The following DNLZ variants were observed in gnomAD, a reference collection of about 807,000 sequenced individuals.
The protein encoded by DNLZ is DNL-type zinc finger.
In DNLZ, 15 loss-of-function variants were observed where a neutral mutation model predicts 7.8. The observed-to-expected ratio is 1.91, with a 90% CI of 1.28 to 2.95. The LOEUF (loss-of-function observed/expected upper bound fraction) is 2.95, where lower values mean the gene tolerates loss of function less well. DNLZ is among the 30% of genes most tolerant of loss of function. DNLZ has a pLI of 0.00. For synonymous variants in DNLZ, 123 were observed against 77.8 expected, an observed-to-expected ratio of 1.58 and a Z score of -3.05; for missense variants, 255 against 167.3, an observed-to-expected ratio of 1.52 and a Z score of -2.89.
In DNLZ at chr9:136,363,106, T is replaced by C. The variant is rs1833013243; in HGVS notation, c.251A>G (p.Lys84Arg). The C allele has an allele frequency of 1.2e-6, 2 of 1,613,358 alleles. No homozygotes were observed. The highest frequency in any genetic ancestry group is 1.1e-5 in the South Asian group (1 of 91,096). ...GTGATAGGCCAGCTTGGAGATGCGC[T>C]TGGAGGACCTAGTCCCGCAGACCTG... ...TCKVCGTRSS[K>R]RISKLAYHQG... is the part of the protein sequence containing the mutation. Residue 84 changes from lysine (K) to arginine (R), a missense_variant, in exon 2 of 3, where the codon AAG becomes AGG. Lys to Arg is a conservative substitution (Grantham distance 26). Transcript: ENST00000371738.
chr9:136,363,596 C>A lies in DNLZ; in HGVS notation c.119G>T (p.Arg40Leu), dbSNP rs776740891. 3.4e-6 allele frequency: 2 copies of A among 583,926 alleles called. No individual in the cohort carries two copies. The highest frequency in any genetic ancestry group is 8.6e-4 in the Middle Eastern group (2 of 2,334). The allele number at this position is 583,926 out of a possible 1,614,324, so 36.2% of individuals were successfully genotyped here. A position where few individuals can be genotyped will look rare whatever the true frequency, so the allele number is the denominator to read the frequency against. ...GCGCCGCCAGCCCCAGGCCCAGGCC[C>A]GCCGCCTCCCCGCGACCTCTGGACG... ...GARPEVAGRR[R>L]AWAWGWRRSS... The change falls in exon 1 of 3, where the codon CGG (arginine) becomes CTG (leucine). Residue 40 changes from arginine (R) to leucine (L), a missense_variant. Arg to Leu is a moderately radical substitution (Grantham distance 102, BLOSUM62 -2). Transcript: ENST00000371738.
chr9:136,362,872 G>A, intron 2 of DNLZ, 117 bp downstream of exon 2: 2 of 886,398 alleles, frequency 2.3e-6, no homozygotes, highest in Admixed American at 2.2e-5. Flanking sequence ...GTATTGATAA[G>A]GTGGCTGGAT....
chr9:136,362,878 T>C (rs992835760), intron 2 of DNLZ, 111 bp downstream of exon 2: 13 of 968,372 alleles, frequency 1.3e-5, no homozygotes, highest in African/African-American at 1.6e-5. Context: ...ATAAGGTGGC[T>C]GGATTTCCCA....
At position 136,363,014 on chromosome 9, in the gene DNLZ, AG is replaced by A; in HGVS notation, c.342del (p.Trp115GlyfsTer5). The A allele has an allele frequency of 6.2e-7, 1 of 1,613,784 alleles. No individual in the cohort carries two copies. Among genetic ancestry groups the A allele is most frequent in the South Asian group, 1.1e-5 (1 of 91,080 alleles). ...QNHHIIADNL[G>X]WFSDLNGKRN... ...CTCTTCCCATTCAGGTCCGAGAACC[AG>A]CCCAGGTTGTCAGCGATGATATGGT... is the stretch of plus-strand genomic sequence containing the variant. On this transcript the variant is annotated frameshift_variant, in exon 2 of 3. Coordinates refer to ENST00000371738, the MANE Select transcript of DNLZ (RefSeq NM_001080849.3). LOFTEE classifies it low-confidence loss of function (END_TRUNC).
chr9:136,359,625 C>G lies in DNLZ; in HGVS notation c.*2387G>C, dbSNP rs759702494. On this transcript the variant is annotated 3_prime_UTR_variant, in exon 3 of 3. Coordinates refer to ENST00000371738, the MANE Select transcript of DNLZ (RefSeq NM_001080849.3). ...AGTGTGGTCCGTATGGGCTTAGTCC[C>G]GGGTGGGGGCCTAACCCGGTAAGAG... 3.3e-5 allele frequency: 5 copies of G among 152,352 alleles called. No individual in the cohort carries two copies. Among genetic ancestry groups the G allele is most frequent in the African/African-American group, 1.2e-4 (5 of 41,432 alleles). The allele number at this position is 152,352 out of a possible 1,614,324, so 9.4% of individuals were successfully genotyped here.
At position 136,363,037 on chromosome 9, in the gene DNLZ, T is replaced by G; in HGVS notation, c.320A>C (p.His107Pro). The change falls in exon 2 of 3, where the codon CAT (histidine) becomes CCT (proline). Residue 107 changes from histidine to proline, a missense_variant. Transcript: ENST00000371738. ...CCAGCCCAGGTTGTCAGCGATGATATGGTGGTTCTGGCAGCCGGGGCAGGT... is the reference window on the plus strand; with the variant it reads ...CCAGCCCAGGTTGTCAGCGATGATAGGGTGGTTCTGGCAGCCGGGGCAGGT... ...IVTCPGCQNH[H>P]IIADNLGWFS... 1 of 1,613,794 alleles carries G rather than the reference T, an allele frequency of 6.2e-7. No homozygotes were observed.
Position 136,363,476 on chromosome 9 carries a change from C to G in DNLZ, c.228+11G>C, listed in dbSNP as rs757136813. 11 of 762,046 alleles carry G rather than the reference C, an allele frequency of 1.4e-5. No homozygotes were observed. The highest frequency in any genetic ancestry group is 5.1e-4 in the Middle Eastern group (2 of 3,918). 47.2% of individuals were successfully genotyped at this position (762,046 alleles called of 1,614,324 possible). Reference sequence around the variant, plus strand: ...GGGTCTGTCCCCGGTTCCGTCCCGCCGCGCGCCTACCTTGCAGGTGTAGAC... The same window carrying G: ...GGGTCTGTCCCCGGTTCCGTCCCGCGGCGCGCCTACCTTGCAGGTGTAGAC... On this transcript the variant is annotated intron_variant, in intron 1 of 2. Coordinates refer to ENST00000371738, the MANE Select transcript of DNLZ (RefSeq NM_001080849.3).
rs1052946620 is a variant in DNLZ at position 136,361,353 on chromosome 9, C to A, written c.*659G>T. On this transcript the variant is annotated 3_prime_UTR_variant, in exon 3 of 3. Coordinates refer to ENST00000371738, the MANE Select transcript of DNLZ (RefSeq NM_001080849.3). ...CTTTCATAAACACGGGAACATCCTG[C>A]GCACAGACAAGGCTGGGAGACAAAC... is the stretch of plus-strand genomic sequence containing the variant. 1 of 152,310 alleles carries A rather than the reference C, an allele frequency of 6.6e-6. No individual in the cohort carries two copies. The highest frequency in any genetic ancestry group is 2.4e-5 in the African/African-American group (1 of 41,468). The allele number at this position is 152,310 out of a possible 1,614,324, so 9.4% of individuals were successfully genotyped here. A position where few individuals can be genotyped will look rare whatever the true frequency, so the allele number is the denominator to read the frequency against.
In DNLZ at chr9:136,362,040, G is replaced by A; in HGVS notation, c.509C>T (p.Pro170Leu). ...APEAGEDEGP[P>L]SPGKTEPS ...GCTCGGCTCCGTCTTGCCAGGGCTG[G>A]GGGGACCCTCATCCTCACCCGCTTC... The change falls in exon 3 of 3, where the codon CCC (proline) becomes CTC (leucine). Residue 170 changes from proline to leucine, a missense_variant. Physicochemically the swap from Pro to Leu is moderately conservative, Grantham distance 98. Coordinates refer to ENST00000371738, the MANE Select transcript of DNLZ (RefSeq NM_001080849.3). 1 of 1,376,600 alleles carries A rather than the reference G, an allele frequency of 7.3e-7. No individual in the cohort carries two copies. The highest frequency in any genetic ancestry group is 9.5e-7 in the Non-Finnish European group (1 of 1,055,282). 85.3% of individuals were successfully genotyped at this position (1,376,600 alleles called of 1,614,324 possible). A position where few individuals can be genotyped will look rare whatever the true frequency, so the allele number is the denominator to read the frequency against.
intron 1 of DNLZ, 27 bp from the exon 2 acceptor site, chr9:136,363,155 G>T (rs746758329): frequency 1.3e-5 from 21 of 1,609,324 alleles, no homozygotes; most frequent in Non-Finnish European, 1.8e-5. Context: ...AGCTGGTGAG[G>T]CTGTGAGGGC....
Position 136,361,865 on chromosome 9 carries a change from G to A in DNLZ, c.*147C>T, listed in dbSNP as rs1832985551. ...ATTCAGAGCAATCGTTCTAACTCCA[G>A]AAAAAGAAAGGCCACGAGGGCCACA... is the stretch of plus-strand genomic sequence containing the variant. On this transcript the variant is annotated 3_prime_UTR_variant, in exon 3 of 3. Transcript: ENST00000371738. 1 of 586,562 alleles carries A rather than the reference G, an allele frequency of 1.7e-6. No homozygotes were observed. 36.3% of individuals were successfully genotyped at this position (586,562 alleles called of 1,614,324 possible).
chr9:136,363,121 C>T lies in DNLZ; in HGVS notation c.236G>A (p.Gly79Glu). The T allele has an allele frequency of 1.2e-6, 2 of 1,613,320 alleles. No individual in the cohort carries two copies. The highest frequency in any genetic ancestry group is 1.1e-5 in the South Asian group (1 of 91,088). Residue 79 changes from glycine to glutamate, a missense_variant, in exon 2 of 3, where the codon GGG (glycine) becomes GAG (glutamate). By Grantham distance (98) the Gly-to-Glu change is moderately conservative (BLOSUM62 -2). Coordinates refer to ENST00000371738, the MANE Select transcript of DNLZ (RefSeq NM_001080849.3). ...YQLVYTCKVC[G>E]TRSSKRISKL... ...GGAGATGCGCTTGGAGGACCTAGTC[C>T]CGCAGACCTGGCTGGGACAGGGTAG...
Position 136,363,141 on chromosome 9 carries a change from G to A in DNLZ, c.229-13C>T, listed in dbSNP as rs750543345. On this transcript the variant is annotated splice_polypyrimidine_tract_variant and intron_variant, in intron 1 of 2. Transcript: ENST00000371738. The stretch of plus-strand genomic sequence containing the variant: ...TAGTCCCGCAGACCTGGCTGGGACA[G>A]GGTAGCTGGTGAGGCTGTGAGGGCC... 5 of 1,612,398 alleles carry A rather than the reference G, an allele frequency of 3.1e-6. No individual in the cohort carries two copies. The African/African-American group carries it at 4.0e-5, about 13-fold the overall frequency.
At chr9:136,363,265 C>A (rs1564364601) in intron 1 of DNLZ, 137 bp from the exon 2 acceptor site, 1 of 1,000,454 alleles carries the variant, frequency 1.0e-6, no homozygotes, top group Non-Finnish European at 1.5e-6. Flanking sequence ...GCTCCACCCA[C>A]CCCCAACCTC....
Position 136,363,696 on chromosome 9 carries a change from G to T in DNLZ, c.19C>A (p.Arg7Ser), listed in dbSNP as rs962478302. The T allele has an allele frequency of 1.1e-5, 5 of 440,522 alleles. No individual in the cohort carries two copies. The highest frequency in any genetic ancestry group is 4.2e-5 in the African/African-American group (2 of 47,376). 27.3% of individuals were successfully genotyped at this position (440,522 alleles called of 1,614,324 possible). Residue 7 changes from arginine to serine, a missense_variant, in exon 1 of 3, where the codon CGC (arginine) becomes AGC (serine). By Grantham distance (110) the Arg-to-Ser change is moderately radical. Transcript: ENST00000371738. MLRTAL[R>S]GAPRLLSRVQ... Reference sequence around the variant, plus strand: ...CGACTCAGCAACCTCGGCGCGCCGCGCAGCGCAGTCCGCAGCATCCCGCTC... The same window carrying T: ...CGACTCAGCAACCTCGGCGCGCCGCTCAGCGCAGTCCGCAGCATCCCGCTC...
chr9:136,363,676 C>G lies in DNLZ; in HGVS notation c.39G>C (p.Leu13=), dbSNP rs1286396063. 2.4e-6 allele frequency: 1 copy of G among 421,184 alleles called. No individual in the cohort carries two copies. Among genetic ancestry groups the G allele is most frequent in the Non-Finnish European group, 4.1e-6 (1 of 241,268 alleles). 26.1% of individuals were successfully genotyped at this position (421,184 alleles called of 1,614,324 possible). The change falls in exon 1 of 3, where the codon CTG becomes CTC. Residue 13 remains leucine, a synonymous_variant. Transcript: ENST00000371738. Reference sequence around the variant, plus strand: ...AGGGCGCCCGGGGCTGCACGCGACTCAGCAACCTCGGCGCGCCGCGCAGCG... The same window carrying G: ...AGGGCGCCCGGGGCTGCACGCGACTGAGCAACCTCGGCGCGCCGCGCAGCG... The part of the protein sequence containing the change: ...RTALRGAPRL[L]SRVQPRAPCL...
Position 136,361,162 on chromosome 9 carries a change from G to C in DNLZ, c.*850C>G, listed in dbSNP as rs45474391. On this transcript the variant is annotated 3_prime_UTR_variant, in exon 3 of 3. Transcript: ENST00000371738. ...CGGATGTGAGCTGGCAGTCCTGGCCGTGTCCCGCTGGGAGGGGCCGCACTG... is the reference window on the plus strand; with the variant it reads ...CGGATGTGAGCTGGCAGTCCTGGCCCTGTCCCGCTGGGAGGGGCCGCACTG... 6.6e-6 allele frequency: 1 copy of C among 152,264 alleles called. No individual in the cohort carries two copies. The highest frequency in any genetic ancestry group is 2.1e-4 in the South Asian group (1 of 4,834). 9.4% of individuals were successfully genotyped at this position (152,264 alleles called of 1,614,324 possible).
chr9:136,363,372 C>T lies in DNLZ; in HGVS notation c.228+115G>A. 1.4e-5 allele frequency: 10 copies of T among 737,348 alleles called. 1 individual carries two copies. Among genetic ancestry groups the T allele is most frequent in the Non-Finnish European group, 2.5e-5 (10 of 405,334 alleles). 45.7% of individuals were successfully genotyped at this position (737,348 alleles called of 1,614,324 possible). A position where few individuals can be genotyped will look rare whatever the true frequency, so the allele number is the denominator to read the frequency against. On this transcript the variant is annotated intron_variant, in intron 1 of 2. Coordinates refer to ENST00000371738, the MANE Select transcript of DNLZ (RefSeq NM_001080849.3). ...AGAAGCCCCAAGGGGTGGCTCCACT[C>T]CTTCCTGTGACTTGACCACGCCGCC... is the stretch of plus-strand genomic sequence containing the variant.
chr9:136,363,211 A>G, intron 1 of DNLZ, 83 bp from the exon 2 acceptor site: 5 of 1,532,350 alleles, frequency 3.3e-6, no homozygotes, highest in South Asian at 1.2e-5. Context: ...GGGTAGCTCC[A>G]GCCACCTCAC....
Sources: gnomAD v4.1 joint callset for allele counts on GRCh38, gnomAD v4.1.1 for gene constraint, MANE v1.5 for transcripts, NCBI Gene and HGNC (gene_info 2026-07-23, HGNC 2026-07-21) for gene names.